Variants in RBFOX1 observed in about 807,000 individuals in gnomAD.
The protein encoded by RBFOX1 is RNA binding fox-1 homolog 1, also known as RNA binding protein fox-1 homolog 1.
In RBFOX1, 8 loss-of-function variants were observed where a neutral mutation model predicts 57.7. The ratio of observed to expected loss-of-function variants is 0.14; its 90% CI spans 0.08 to 0.25. RBFOX1 has a LOEUF of 0.25. Among genes scored for constraint, RBFOX1 ranks in the 10% least tolerant of loss-of-function variants. The pLI is 1.00. For missense variants in RBFOX1, 611 were observed against 548.5 expected, an observed-to-expected ratio of 1.11 and a Z score of -1.14; for synonymous variants, 326 against 222.4, an observed-to-expected ratio of 1.47 and a Z score of -4.15.
At chr16:5,536,089 C>A (rs1326508903) in intron 2 of RBFOX1, among the ~76,000 whole-genome samples, 2 of 118,040 alleles carry the variant, frequency 1.7e-5, no homozygotes, top group Non-Finnish European at 3.3e-5. Context: ...GTCCCCAAGT[C>A]ATCAAGCCCC....
chr16:5,448,281 C>G (rs1019310912), intron 1 of RBFOX1, among the ~76,000 whole-genome samples: 5 of 152,136 alleles, frequency 3.3e-5, no homozygotes, highest in African/African-American at 9.7e-5. Flanking sequence ...AAGCTTTCGA[C>G]TCTAAACTGT....
Position 5,770,453 on chromosome 16 carries a change from C to T in RBFOX1, c.319-96850C>T, listed in dbSNP as rs567908957. 2.0e-5 allele frequency among the ~76,000 whole-genome samples: 3 copies of T among 152,246 alleles called. No homozygotes were observed. The East Asian group carries it at 5.8e-4, about 29-fold the overall frequency. ...AACCCTTGGTTCAGGAAGCTCCCCACCCCTTTTCCAGGAAATTCATGAATA... is the reference window on the plus strand; with the variant it reads ...AACCCTTGGTTCAGGAAGCTCCCCATCCCTTTTCCAGGAAATTCATGAATA... On this transcript the variant is annotated intron_variant, in intron 3 of 19. Transcript: ENST00000641259.
intron 2 of RBFOX1, among the ~76,000 whole-genome samples, chr16:6,420,974 C>A (rs932661618): frequency 6.6e-6 from 1 of 152,120 alleles, no homozygotes; most frequent in African/African-American, 2.4e-5. Flanking sequence ...TTCCAATGGC[C>A]CCTTGTTGCA....
intron 2 of RBFOX1, among the ~76,000 whole-genome samples, chr16:5,475,068 T>G (rs1242234006): frequency 6.6e-6 from 1 of 152,194 alleles, no homozygotes; most frequent in East Asian, 1.9e-4. Flanking sequence ...GTTGTAGGTG[T>G]CTCTTGGAAG....
intron 3 of RBFOX1, among the ~76,000 whole-genome samples, chr16:6,834,050 A>T (rs569361161): frequency 3.4e-5 from 4 of 115,994 alleles, no homozygotes; most frequent in Admixed American, 1.8e-4. Flanking sequence ...TACCTGATCC[A>T]ATAAATATTT....
chr16:6,877,374 T>C (rs2062038839), intron 3 of RBFOX1, among the ~76,000 whole-genome samples: 1 of 152,192 alleles, frequency 6.6e-6, no homozygotes, highest in Non-Finnish European at 1.5e-5. Flanking sequence ...AATTCTCTAA[T>C]AACTGACATA....
chr16:7,640,307 GC>G (rs1167743802), intron 11 of RBFOX1, among the ~76,000 whole-genome samples: 3 of 152,172 alleles, frequency 2.0e-5, no homozygotes, highest in Non-Finnish European at 4.4e-5. Flanking sequence ...CAAAGAGGCA[GC>G]CACATTTCAG....
At chr16:7,198,104 C>T (rs558019581) in intron 4 of RBFOX1, among the ~76,000 whole-genome samples, 1 of 141,268 alleles carries the variant, frequency 7.1e-6, no homozygotes, top group East Asian at 2.3e-4. Context: ...CTCCTGGGTT[C>T]ACGCCATTCT....
intron 3 of RBFOX1, among the ~76,000 whole-genome samples, chr16:6,799,867 T>G (rs67192111): frequency 0.1 from 15,677 of 152,182 alleles, 987 homozygotes; most frequent in East Asian, 0.15. Context: ...TTTTAAGGTT[T>G]CGGGACTCGG....
chr16:6,960,770 A>C (rs2082796650), intron 3 of RBFOX1, among the ~76,000 whole-genome samples: 1 of 151,898 alleles, frequency 6.6e-6, no homozygotes, highest in African/African-American at 2.4e-5. Context: ...TGAGCTCTTC[A>C]ATCATCATAT....
chr16:7,647,275 C>G (rs953900323), intron 11 of RBFOX1, among the ~76,000 whole-genome samples: 3 of 152,310 alleles, frequency 2.0e-5, no homozygotes, highest in Admixed American at 6.5e-5. Flanking sequence ...GGTATTTTCT[C>G]TGAAAGCTCT....
At chr16:6,303,031 T>C (rs553933857) in intron 1 of RBFOX1, among the ~76,000 whole-genome samples, 2 of 152,316 alleles carry the variant, frequency 1.3e-5, no homozygotes, top group South Asian at 4.1e-4. Context: ...TGTTGGGATA[T>C]GATGCTTGAG....
chr16:5,999,817 C>A (rs557397555), intron 4 of RBFOX1, among the ~76,000 whole-genome samples: 1 of 104,008 alleles, frequency 9.6e-6, no homozygotes, highest in African/African-American at 3.6e-5. Context: ...GCAGAGATCG[C>A]AGATCGCACC....
At chr16:7,637,963 C>T (rs1276973604) in intron 11 of RBFOX1, among the ~76,000 whole-genome samples, 1 of 152,184 alleles carries the variant, frequency 6.6e-6, no homozygotes, top group African/African-American at 2.4e-5. Context: ...CTTTTGGAGC[C>T]TTAAGATCCC....
At chr16:6,819,599 G>A (rs1603628652) in intron 3 of RBFOX1, among the ~76,000 whole-genome samples, 1 of 151,384 alleles carries the variant, frequency 6.6e-6, no homozygotes, top group Non-Finnish European at 1.5e-5. Flanking sequence ...CAGCTACTCG[G>A]GAGGCTGAGG....
intron 3 of RBFOX1, among the ~76,000 whole-genome samples, chr16:5,740,965 G>A (rs2052750578): frequency 6.6e-6 from 1 of 152,052 alleles, no homozygotes; most frequent in East Asian, 1.9e-4. Flanking sequence ...GGGATCATGA[G>A]GGATGGTCCT....
intron 4 of RBFOX1, among the ~76,000 whole-genome samples, chr16:5,967,223 G>A: frequency 6.6e-6 from 1 of 152,040 alleles, no homozygotes; most frequent in Non-Finnish European, 1.5e-5. Context: ...CTAGACCAGA[G>A]GTCTGAAAGC....
chr16:7,115,608 T>C (rs1484677056), intron 4 of RBFOX1, among the ~76,000 whole-genome samples: 1 of 152,180 alleles, frequency 6.6e-6, no homozygotes, highest in Non-Finnish European at 1.5e-5. Context: ...GATTTACCTC[T>C]GGAAAGGTGT....
chr16:6,295,493 C>T lies in RBFOX1; in HGVS notation c.-126-21502C>T, dbSNP rs375335549. On this transcript the variant is annotated intron_variant, in intron 1 of 15. Coordinates refer to ENST00000550418, the MANE Select transcript of RBFOX1 (RefSeq NM_018723.4). Reference sequence around the variant, plus strand: ...CAGCCTGTGGAGCTGTGTGCTATTACCAAGTTTTACTCTCTGAGTACATAG... The same window carrying T: ...CAGCCTGTGGAGCTGTGTGCTATTATCAAGTTTTACTCTCTGAGTACATAG... Among the ~76,000 whole-genome samples the T allele has an allele frequency of 2.6e-5, 4 of 152,136 alleles. No individual in the cohort carries two copies. In the East Asian group the frequency reaches 5.8e-4, roughly 22 times the overall value.
Sources: gnomAD v4.1 joint callset for allele counts (sites outside exome capture counted in the v4.1 genomes callset) on GRCh38, gnomAD v4.1.1 for gene constraint, MANE v1.5 for transcripts, NCBI Gene and HGNC (gene_info 2026-07-23, HGNC 2026-07-21) for gene names.